Variants in LRRC4C observed in about 807,000 individuals in gnomAD.
LRRC4C encodes the protein leucine rich repeat containing 4C, also known as leucine-rich repeat-containing protein 4C.
LRRC4C carries 5 observed loss-of-function variants against 33.6 expected under a neutral mutation model. The observed-to-expected ratio is 0.15, with a 90% CI of 0.08 to 0.31. The LOEUF is 0.31. Among genes scored for constraint, LRRC4C ranks in the 10% least tolerant of loss-of-function variants. The pLI, the probability that LRRC4C is intolerant of heterozygous loss-of-function variation, is 1.00. For synonymous variants in LRRC4C, 329 were observed against 302.0 expected, an observed-to-expected ratio of 1.09 and a Z score of -0.93; for missense variants, 560 against 796.7, an observed-to-expected ratio of 0.70 and a Z score of 3.58.
chr11:40,725,100 C>CT (rs1947221254), intron 2 of LRRC4C, among the ~76,000 whole-genome samples: 1 of 152,160 alleles, frequency 6.6e-6, no homozygotes. Flanking sequence ...AAGAGCATAA[C>CT]CATTTATCTC....
chr11:40,482,689 G>T (rs1953647306), intron 3 of LRRC4C, among the ~76,000 whole-genome samples: 1 of 151,886 alleles, frequency 6.6e-6, no homozygotes, highest in Non-Finnish European at 1.5e-5. Context: ...AAGGCTGGTT[G>T]CAAACTCCTG....
chr11:40,957,059 T>A (rs1374845634), intron 1 of LRRC4C, among the ~76,000 whole-genome samples: 8 of 151,708 alleles, frequency 5.3e-5, no homozygotes. Flanking sequence ...AGAAAACATG[T>A]CACAAAATCG....
chr11:41,216,943 C>T (rs1411979282), intron 1 of LRRC4C, among the ~76,000 whole-genome samples: 2 of 152,072 alleles, frequency 1.3e-5, no homozygotes, highest in Non-Finnish European at 2.9e-5. Context: ...CAAACTTATG[C>T]TCTTTTTTTT....
At chr11:40,737,103 T>A (rs1194051839) in intron 2 of LRRC4C, among the ~76,000 whole-genome samples, 3 of 152,024 alleles carry the variant, frequency 2.0e-5, no homozygotes, top group Non-Finnish European at 4.4e-5. Context: ...ATTACCTAAG[T>A]TTTCTTCTAT....
chr11:41,143,467 G>C (rs1013119945), intron 1 of LRRC4C, among the ~76,000 whole-genome samples: 1 of 152,128 alleles, frequency 6.6e-6, no homozygotes, highest in Non-Finnish European at 1.5e-5. Context: ...AGGTTTTTCA[G>C]TGTTTGAATG....
chr11:40,998,892 T>C (rs1238167780), intron 1 of LRRC4C, among the ~76,000 whole-genome samples: 1 of 152,114 alleles, frequency 6.6e-6, no homozygotes, highest in African/African-American at 2.4e-5. Flanking sequence ...CCAAATGATT[T>C]GAAGAGATAC....
At chr11:40,736,787 G>T (rs1336343331) in intron 2 of LRRC4C, among the ~76,000 whole-genome samples, 1 of 151,090 alleles carries the variant, frequency 6.6e-6, no homozygotes, top group African/African-American at 2.4e-5. Context: ...TATTTCATAT[G>T]TTTGTTGGCC....
intron 2 of LRRC4C, among the ~76,000 whole-genome samples, chr11:40,681,476 G>T (rs1349021816): frequency 1.3e-5 from 2 of 152,188 alleles, no homozygotes; most frequent in Non-Finnish European, 2.9e-5. Flanking sequence ...ATGTGAGAAA[G>T]TCTTTGCACT....
intron 2 of LRRC4C, among the ~76,000 whole-genome samples, chr11:40,910,822 C>A (rs1383638628): frequency 6.6e-6 from 1 of 152,170 alleles, no homozygotes. Context: ...ACAGATGGCA[C>A]CTGGAAAATC....
chr11:40,607,652 C>A (rs1159194495), intron 3 of LRRC4C, among the ~76,000 whole-genome samples: 1 of 152,144 alleles, frequency 6.6e-6, no homozygotes. Context: ...GAGCTACTTC[C>A]ACCACTTGCA....
intron 3 of LRRC4C, among the ~76,000 whole-genome samples, chr11:40,471,971 CA>C (rs1952961262): frequency 6.6e-6 from 1 of 152,118 alleles, no homozygotes; most frequent in African/African-American, 2.4e-5. Context: ...TCTCAGACCA[CA>C]GTGCAATCAA....
At chr11:40,874,461 G>A (rs1382614713) in intron 2 of LRRC4C, among the ~76,000 whole-genome samples, 1 of 152,124 alleles carries the variant, frequency 6.6e-6, no homozygotes, top group Non-Finnish European at 1.5e-5. Context: ...GAGCACATAT[G>A]TCCTACTTTG....
At chr11:40,982,768 C>G (rs561702419) in intron 1 of LRRC4C, among the ~76,000 whole-genome samples, 2 of 152,142 alleles carry the variant, frequency 1.3e-5, no homozygotes, top group East Asian at 3.9e-4. Context: ...ATTTCATCAA[C>G]CCAGTATTAA....
chr11:40,887,750 A>C (rs1009541656), intron 2 of LRRC4C, among the ~76,000 whole-genome samples: 3 of 152,036 alleles, frequency 2.0e-5, no homozygotes, highest in African/African-American at 7.2e-5. Context: ...GTCTGTGTAC[A>C]TGCTAAGTCT....
At chr11:40,778,094 T>C (rs1045040932) in intron 2 of LRRC4C, among the ~76,000 whole-genome samples, 1 of 152,206 alleles carries the variant, frequency 6.6e-6, no homozygotes, top group Admixed American at 6.5e-5. Context: ...TTTCATCCTA[T>C]TGTGAAACTG....
intron 6 of LRRC4C, among the ~76,000 whole-genome samples, chr11:40,135,402 A>G (rs1856900247): frequency 6.6e-6 from 1 of 152,234 alleles, no homozygotes; most frequent in African/African-American, 2.4e-5. Flanking sequence ...TTCAATTCCA[A>G]AATGAATGAG....
chr11:40,696,282 AT>A, intron 2 of LRRC4C, among the ~76,000 whole-genome samples: 1 of 134,050 alleles, frequency 7.5e-6, no homozygotes, highest in African/African-American at 3.0e-5. Flanking sequence ...ACAATGCCAC[AT>A]ATATATATAT....
chr11:40,402,989 C>G (rs1287101465), intron 3 of LRRC4C, among the ~76,000 whole-genome samples: 1 of 152,196 alleles, frequency 6.6e-6, no homozygotes, highest in South Asian at 2.1e-4. Flanking sequence ...ATCTATTCCT[C>G]AGTTAGAAGC....
At chr11:41,388,510 C>G (rs1374684574) in intron 1 of LRRC4C, among the ~76,000 whole-genome samples, 24 of 151,798 alleles carry the variant, frequency 1.6e-4, no homozygotes, top group Admixed American at 1.6e-3. Flanking sequence ...AAAGAATACT[C>G]CACGAAAACA....
Sources: allele counts gnomAD v4.1 joint callset (sites outside exome capture counted in the v4.1 genomes callset), GRCh38; gene constraint gnomAD v4.1.1; transcripts MANE v1.5; gene names NCBI Gene and HGNC (gene_info 2026-07-23, HGNC 2026-07-21).